The following SORCS2 variants were observed in gnomAD, a reference collection of about 807,000 sequenced individuals.
SORCS2 encodes VPS10 domain-containing receptor SorCS2.
Under a neutral mutation model 141.6 loss-of-function variants are expected in SORCS2, and 100 were observed. The observed-to-expected ratio is 0.71, with a 90% CI of 0.60 to 0.83. The LOEUF is 0.83. Among genes scored for constraint, SORCS2 ranks in the 40% least tolerant of loss-of-function variants. The pLI is 0.00. For synonymous variants in SORCS2, 789 were observed against 676.9 expected (o/e 1.17, Z -2.57); for missense variants, 1,646 against 1,560.2 (o/e 1.05, Z -0.93).
At chr4:7,601,173 A>G (rs1717639994) in intron 3 of SORCS2, among the ~76,000 whole-genome samples, 1 of 152,186 alleles carries the variant, frequency 6.6e-6, no homozygotes, top group Non-Finnish European at 1.5e-5. Flanking sequence ...TGGAGTGAAT[A>G]AGTATCTTTA....
intron 1 of SORCS2, among the ~76,000 whole-genome samples, chr4:7,199,336 G>A (rs1468384428): frequency 6.6e-6 from 1 of 152,208 alleles, no homozygotes; most frequent in Non-Finnish European, 1.5e-5. Context: ...GCAAGGTGGG[G>A]CAGGGGAAGC....
chr4:7,641,817 G>GATGT (rs1553897684), intron 4 of SORCS2, among the ~76,000 whole-genome samples: 43,993 of 126,728 alleles, frequency 0.35, 8,348 homozygotes, highest in East Asian at 0.85. Context: ...TGGATGGATG[G>GATGT]GTGGGTGGAT....
rs1726324443 is a variant in SORCS2 at position 7,718,144 on chromosome 4, G to T, written c.2385G>T (p.Arg795=). 1 of 1,611,786 alleles carries T rather than the reference G, an allele frequency of 6.2e-7. No homozygotes were observed. The highest frequency in any genetic ancestry group is 8.5e-7 in the Non-Finnish European group (1 of 1,179,354). The change falls in exon 18 of 27, where the codon CGG becomes CGT. Residue 795 remains arginine (R), a synonymous_variant. Transcript: ENST00000507866. ...TTCAAGGCGAGGCGGTGGCCGTGCG[G>T]CCTGGAGAGGACGTCCTGTTTGTGG... ...VSIQGEAVAV[R]PGEDVLFVVR...
At chr4:7,546,342 C>A (rs374175501) in intron 3 of SORCS2, among the ~76,000 whole-genome samples, 190 of 152,288 alleles carry the variant, frequency 1.2e-3, no homozygotes, top group South Asian at 4.1e-3. Context: ...ACCGGCGGGG[C>A]TTGCTAGTGG....
intron 3 of SORCS2, among the ~76,000 whole-genome samples, chr4:7,574,383 G>T (rs1182071391): frequency 6.6e-6 from 1 of 152,216 alleles, no homozygotes; most frequent in African/African-American, 2.4e-5. Flanking sequence ...TTTTAACATA[G>T]AAAACAGGGA....
intron 4 of SORCS2, among the ~76,000 whole-genome samples, chr4:7,640,369 T>G (rs1212896925): frequency 6.7e-6 from 1 of 149,838 alleles, no homozygotes; most frequent in African/African-American, 2.5e-5. Context: ...TGAGCATGTG[T>G]GAATGTACAT....
chr4:7,647,736 T>C (rs571366719), intron 4 of SORCS2, among the ~76,000 whole-genome samples: 63 of 152,330 alleles, frequency 4.1e-4, no homozygotes, highest in African/African-American at 1.4e-3. Flanking sequence ...GTTTCACACC[T>C]GCAGTCTCCT....
chr4:7,481,821 G>A (rs1359462083), intron 2 of SORCS2, among the ~76,000 whole-genome samples: 1 of 152,132 alleles, frequency 6.6e-6, no homozygotes, highest in African/African-American at 2.4e-5. Flanking sequence ...AGCAACGAGA[G>A]AGAACGCTGG....
intron 1 of SORCS2, among the ~76,000 whole-genome samples, chr4:7,248,594 CTT>C (rs1435340650): frequency 1.3e-5 from 2 of 152,216 alleles, no homozygotes; most frequent in Non-Finnish European, 2.9e-5. Flanking sequence ...GTGTGCCTGT[CTT>C]GTCTCATTCT....
At chr4:7,579,741 T>G (rs1210845425) in intron 3 of SORCS2, among the ~76,000 whole-genome samples, 6 of 152,192 alleles carry the variant, frequency 3.9e-5, no homozygotes, top group African/African-American at 1.4e-4. Flanking sequence ...ATGAGATGTG[T>G]CCTGTGTTAA....
Position 7,612,893 on chromosome 4 carries a change from T to TGGGAGGGGAACAAGAAGAAGGTTGG in SORCS2, c.649-25414_649-25413insTTGGGGGAGGGGAACAAGAAGAAGG, listed in dbSNP as rs1553892739. Among the ~76,000 whole-genome samples the TGGGAGGGGAACAAGAAGAAGGTTGG allele has an allele frequency of 9.4e-4, 138 of 147,516 alleles. 1 individual carries two copies. Among genetic ancestry groups the TGGGAGGGGAACAAGAAGAAGGTTGG allele is most frequent in the Middle Eastern group, 6.9e-3 (2 of 288 alleles). On this transcript the variant is annotated intron_variant, in intron 3 of 26. Coordinates refer to ENST00000507866, the MANE Select transcript of SORCS2 (RefSeq NM_020777.3). ...GGAGGGGACAGGTAGTGGGAGGAGA[T>TGGGAGGGGAACAAGAAGAAGGTTGG]GGGAGGGGAACAAGAAGAAGGGCTG...
intron 1 of SORCS2, among the ~76,000 whole-genome samples, chr4:7,261,311 A>C (rs952579577): frequency 1.3e-5 from 2 of 152,248 alleles, no homozygotes; most frequent in African/African-American, 4.8e-5. Context: ...CGGGTCTCCC[A>C]GAGCAGCCCA....
intron 3 of SORCS2, among the ~76,000 whole-genome samples, chr4:7,568,262 C>G (rs1378488790): frequency 2.0e-5 from 3 of 152,180 alleles, no homozygotes; most frequent in Non-Finnish European, 4.4e-5. Flanking sequence ...CAGCAACAAC[C>G]AAAACCTAAA....
rs569804119 is a variant in SORCS2 at position 7,504,360 on chromosome 4, T to G, written c.549-27170T>G. Reference sequence around the variant, plus strand: ...CAGCTCAGCACCCCCAGAGCTCCTGTGACTTTGTAGAGCCCGAGAGTGGGG... The same window carrying G: ...CAGCTCAGCACCCCCAGAGCTCCTGGGACTTTGTAGAGCCCGAGAGTGGGG... On this transcript the variant is annotated intron_variant, in intron 2 of 26. Transcript: ENST00000507866. Among the ~76,000 whole-genome samples, 7 of 152,336 alleles carry G rather than the reference T, an allele frequency of 4.6e-5. No individual in the cohort carries two copies. The East Asian group carries it at 1.3e-3, about 29-fold the overall frequency.
At chr4:7,525,902 C>CTCAGTCACCTGTCTCT (rs1733659745) in intron 2 of SORCS2, among the ~76,000 whole-genome samples, 1 of 143,026 alleles carries the variant, frequency 7.0e-6, no homozygotes, top group Non-Finnish European at 1.5e-5. Flanking sequence ...CACCTGTCTC[C>CTCAGTCACCTGTCTCT]TCCTGCAGTC....
intron 2 of SORCS2, among the ~76,000 whole-genome samples, chr4:7,439,683 G>C (rs899952524): frequency 1.3e-5 from 2 of 152,168 alleles, no homozygotes; most frequent in Non-Finnish European, 2.9e-5. Flanking sequence ...TGCCTCTTTC[G>C]CTTGATGTTA....
At chr4:7,452,298 G>A (rs574793624) in intron 2 of SORCS2, among the ~76,000 whole-genome samples, 2 of 152,216 alleles carry the variant, frequency 1.3e-5, no homozygotes, top group African/African-American at 4.8e-5. Context: ...ATGCCACCAT[G>A]CCTGGGTAAT....
At chr4:7,368,919 T>G (rs1332588807) in intron 1 of SORCS2, among the ~76,000 whole-genome samples, 1 of 151,918 alleles carries the variant, frequency 6.6e-6, no homozygotes, top group Non-Finnish European at 1.5e-5. Flanking sequence ...AAAACTGGAG[T>G]TTCCCTTGCA....
chr4:7,427,665 C>T (rs1010655520), intron 2 of SORCS2, among the ~76,000 whole-genome samples: 2 of 152,144 alleles, frequency 1.3e-5, no homozygotes, highest in Non-Finnish European at 2.9e-5. Context: ...TCGTGTGAGA[C>T]TCGGGAAGCT....
Sources: gnomAD v4.1 joint callset for allele counts (sites outside exome capture counted in the v4.1 genomes callset) on GRCh38, gnomAD v4.1.1 for gene constraint, MANE v1.5 for transcripts, NCBI Gene and HGNC (gene_info 2026-07-23, HGNC 2026-07-21) for gene names.